The following FAM228A variants were observed in gnomAD, a reference collection of about 807,000 sequenced individuals.
The protein encoded by FAM228A is protein FAM228A.
Under a neutral mutation model 18.6 loss-of-function variants are expected in FAM228A, and 13 were observed. The ratio of observed to expected loss-of-function variants is 0.70; its 90% CI spans 0.45 to 1.11. The LOEUF (loss-of-function observed/expected upper bound fraction) is 1.11. Among genes scored for constraint, FAM228A ranks in the 50% least tolerant of loss-of-function variants. FAM228A has a pLI of 0.00. For synonymous variants in FAM228A, 77 were observed against 86.6 expected, an observed-to-expected ratio of 0.89 and a Z score of 0.61; for missense variants, 240 against 242.2, an observed-to-expected ratio of 0.99 and a Z score of 0.06.
intron 5 of FAM228A, among the ~76,000 whole-genome samples, chr2:24,188,862 A>G (rs1203486451): frequency 1.3e-5 from 2 of 152,198 alleles, no homozygotes; most frequent in African/African-American, 4.8e-5. Context: ...CTACACAAAC[A>G]GGAGGTCTGT....
At position 24,190,655 on chromosome 2, in the gene FAM228A, C is replaced by T. The variant is rs762541107; in HGVS notation, c.*24C>T. ...GAGCCACCGCCACAGCCCTCCCTGTCAGACAGGCACCCAAGGGCGGAGGAG... is the reference window on the plus strand; with the variant it reads ...GAGCCACCGCCACAGCCCTCCCTGTTAGACAGGCACCCAAGGGCGGAGGAG... On this transcript the variant is annotated 3_prime_UTR_variant, in exon 6 of 6. Transcript: ENST00000295150. The T allele has an allele frequency of 1.3e-6, 2 of 1,517,704 alleles. No individual in the cohort carries two copies. The highest frequency in any genetic ancestry group is 1.3e-5 in the South Asian group (1 of 74,990). The allele number at this position is 1,517,704 out of a possible 1,614,324, so 94.0% of individuals were successfully genotyped here.
chr2:24,184,989 A>G (rs1667909916), intron 5 of FAM228A, among the ~76,000 whole-genome samples: 1 of 151,874 alleles, frequency 6.6e-6, no homozygotes, highest in Admixed American at 6.6e-5. Flanking sequence ...CACCCAGCTG[A>G]TTTTTGTATC....
intron 3 of FAM228A, among the ~76,000 whole-genome samples, chr2:24,181,824 T>A (rs1338136229): frequency 1.3e-5 from 2 of 151,732 alleles, no homozygotes; most frequent in Non-Finnish European, 2.9e-5. Context: ...GTCTATTTAT[T>A]AAAAAAAAAT....
chr2:24,191,351 T>C lies in FAM228A; in HGVS notation c.*720T>C. 2.0e-6 allele frequency: 2 copies of C among 985,596 alleles called. No individual in the cohort carries two copies. The highest frequency in any genetic ancestry group is 2.4e-6 in the Non-Finnish European group (2 of 830,074). The allele number at this position is 985,596 out of a possible 1,614,324, so 61.1% of individuals were successfully genotyped here. On this transcript the variant is annotated 3_prime_UTR_variant, in exon 6 of 6. Transcript: ENST00000295150. ...GCTGCTGCTTTCCAGCCTGTGAGCC[T>C]GGATAGGTATTTTGTGACCCAGCTC...
intron 5 of FAM228A, chr2:24,188,656 C>T: frequency 1.0e-6 from 1 of 985,320 alleles, no homozygotes; most frequent in Non-Finnish European, 1.2e-6. Flanking sequence ...TATTGGTGAC[C>T]TGGTACTTGA....
At chr2:24,187,514 G>C (rs1163877853) in intron 5 of FAM228A, among the ~76,000 whole-genome samples, 1 of 152,148 alleles carries the variant, frequency 6.6e-6, no homozygotes, top group East Asian at 1.9e-4. Context: ...ACAATGACAT[G>C]TATCCATCAT....
intron 5 of FAM228A, among the ~76,000 whole-genome samples, chr2:24,187,137 CTCATG>C (rs1412023543): frequency 6.6e-6 from 1 of 152,118 alleles, no homozygotes; most frequent in Non-Finnish European, 1.5e-5. Context: ...AATTCTAGGT[CTCATG>C]TCATGTCATT....
chr2:24,190,371 CTG>C, intron 5 of FAM228A, 39 bp from the exon 6 acceptor site: 1 of 1,543,848 alleles, frequency 6.5e-7, no homozygotes, highest in East Asian at 2.3e-5. Flanking sequence ...ACAATTCCAT[CTG>C]TGCTGAATCG....
intron 5 of FAM228A, among the ~76,000 whole-genome samples, chr2:24,187,181 TAAAC>T (rs947816484): frequency 2.6e-5 from 4 of 152,298 alleles, no homozygotes; most frequent in East Asian, 1.9e-4. Context: ...TCACAACAAA[TAAAC>T]AACAGAAATA....
In FAM228A at chr2:24,175,711, C is replaced by T. The variant is rs1297798805; in HGVS notation, c.93+138C>T. 14 of 771,776 alleles carry T rather than the reference C, an allele frequency of 1.8e-5. No homozygotes were observed. The South Asian group carries it at 2.0e-4, about 11-fold the overall frequency. 47.8% of individuals were successfully genotyped at this position (771,776 alleles called of 1,614,324 possible). A position where few individuals can be genotyped will look rare whatever the true frequency, so the allele number is the denominator to read the frequency against. Reference sequence around the variant, plus strand: ...AAAGCAGGCGTTGAAGGGGAATGTTCGGGCTCAGATTTGGCCGAGAGTGTG... The same window carrying T: ...AAAGCAGGCGTTGAAGGGGAATGTTTGGGCTCAGATTTGGCCGAGAGTGTG... On this transcript the variant is annotated intron_variant, in intron 2 of 5. Coordinates refer to ENST00000295150, the MANE Select transcript of FAM228A (RefSeq NM_001040710.3).
intron 2 of FAM228A, chr2:24,176,331 C>A (rs1362687419): frequency 4.5e-6 from 2 of 447,220 alleles, no homozygotes; most frequent in Non-Finnish European, 5.8e-6. Context: ...CATACTTTTT[C>A]AGTTGCCATC....
At chr2:24,181,548 C>T (rs1236944061) in intron 3 of FAM228A, among the ~76,000 whole-genome samples, 2 of 152,034 alleles carry the variant, frequency 1.3e-5, no homozygotes, top group East Asian at 1.9e-4. Context: ...CCATGCCTGG[C>T]TAATTGTTTG....
Position 24,190,775 on chromosome 2 carries a change from G to A in FAM228A, c.*144G>A. ...AGCTCTGACAGGGCCCCTCGGGCGG[G>A]GAAGCCTTGCATGAAGAAACTCAGA... On this transcript the variant is annotated 3_prime_UTR_variant, in exon 6 of 6. Coordinates refer to ENST00000295150, the MANE Select transcript of FAM228A (RefSeq NM_001040710.3). 1 of 1,337,706 alleles carries A rather than the reference G, an allele frequency of 7.5e-7. No individual in the cohort carries two copies. Among genetic ancestry groups the A allele is most frequent in the Non-Finnish European group, 9.6e-7 (1 of 1,039,960 alleles). 82.9% of individuals were successfully genotyped at this position (1,337,706 alleles called of 1,614,324 possible).
At chr2:24,179,045 A>C (rs1667756651) in intron 3 of FAM228A, 4 of 697,344 alleles carry the variant, frequency 5.7e-6, no homozygotes, top group Non-Finnish European at 7.4e-6. Flanking sequence ...TTTCCCCCTT[A>C]CTCGAATGAT....
At chr2:24,189,440 C>T (rs1167756570) in intron 5 of FAM228A, among the ~76,000 whole-genome samples, 1 of 152,206 alleles carries the variant, frequency 6.6e-6, no homozygotes, top group East Asian at 1.9e-4. Flanking sequence ...TGTCACTGGC[C>T]ATTCCAGTGC....
chr2:24,175,288 G>A lies in FAM228A; in HGVS notation c.-15+114G>A, dbSNP rs533618777. 3.7e-4 allele frequency: 217 copies of A among 591,788 alleles called. No individual in the cohort carries two copies. The African/African-American group carries it at 3.9e-3, about 11-fold the overall frequency. The allele number at this position is 591,788 out of a possible 1,614,324, so 36.7% of individuals were successfully genotyped here. On this transcript the variant is annotated intron_variant, in intron 1 of 5. Transcript: ENST00000295150. ...GCCCGCTTTGGCCCGAGGACGACACGGGAGTGGGTAGCCGGGCCTGTTGAA... is the reference window on the plus strand; with the variant it reads ...GCCCGCTTTGGCCCGAGGACGACACAGGAGTGGGTAGCCGGGCCTGTTGAA...
At chr2:24,186,655 T>C (rs1667956042) in intron 5 of FAM228A, among the ~76,000 whole-genome samples, 2 of 152,130 alleles carry the variant, frequency 1.3e-5, no homozygotes, top group South Asian at 4.1e-4. Context: ...ATTTTATTTT[T>C]TGAGACATAG....
intron 3 of FAM228A, among the ~76,000 whole-genome samples, chr2:24,180,290 A>G: frequency 1.1e-4 from 2 of 18,596 alleles, no homozygotes; most frequent in East Asian, 2.6e-3. Context: ...ACCCGTCTGT[A>G]CAAAAAAAAA....
At chr2:24,188,431 T>C (rs1668005418) in intron 5 of FAM228A, 2 of 985,206 alleles carry the variant, frequency 2.0e-6, no homozygotes, top group African/African-American at 3.5e-5. Context: ...CTTTTTCAAA[T>C]AGGTTTTGGG....
Sources: gnomAD v4.1 joint callset for allele counts (sites outside exome capture counted in the v4.1 genomes callset) on GRCh38, gnomAD v4.1.1 for gene constraint, MANE v1.5 for transcripts, NCBI Gene and HGNC (gene_info 2026-07-23, HGNC 2026-07-21) for gene names.